Variants in FRMD4A observed in about 807,000 individuals in gnomAD.
FRMD4A encodes FERM domain-containing protein 4A.
Under a neutral mutation model 129.1 loss-of-function variants are expected in FRMD4A, and 29 were observed. The observed-to-expected ratio is 0.22, with a 90% CI of 0.17 to 0.31. FRMD4A has a LOEUF of 0.31. Among genes scored for constraint, FRMD4A ranks in the 10% least tolerant of loss-of-function variants. FRMD4A has a pLI of 1.00. For missense variants in FRMD4A, 1,272 were observed against 1,375.8 expected (o/e 0.92, Z 1.19); for synonymous variants, 634 against 571.6 (o/e 1.11, Z -1.56).
chr10:13,836,877 C>T (rs188652093), intron 3 of FRMD4A, among the ~76,000 whole-genome samples: 2 of 151,764 alleles, frequency 1.3e-5, no homozygotes, highest in African/African-American at 4.8e-5. Context: ...CCTGCCTCAG[C>T]CTCCCCAGTA....
rs1170697695 is a variant in FRMD4A, at chr10:14,029,832, T to A, written c.46-170920A>T. ...CATGAAAAAAAAAAAAAAAACTACA[T>A]GTTTGTTTTTAATCGTTTTTGAGTT... On this transcript the variant is annotated intron_variant, in intron 2 of 24. Transcript: ENST00000357447. Among the ~76,000 whole-genome samples, 6 of 152,030 alleles carry A rather than the reference T, an allele frequency of 3.9e-5. No homozygotes were observed. The East Asian group carries it at 1.2e-3, about 29-fold the overall frequency.
chr10:13,935,751 T>A lies in FRMD4A; in HGVS notation c.46-76839A>T, dbSNP rs183713902. Among the ~76,000 whole-genome samples the A allele has an allele frequency of 2.0e-5, 3 of 152,302 alleles. No homozygotes were observed. In the East Asian group the frequency reaches 5.8e-4, roughly 29 times the overall value. ...CTTACTCTCATGTTGGACTCTCCTA[T>A]CAGCCCTGGCAGCTTAGATACTCCT... On this transcript the variant is annotated intron_variant, in intron 2 of 24. Transcript: ENST00000357447.
intron 2 of FRMD4A, chr10:13,890,416 C>A (rs1044593460): frequency 2.0e-6 from 1 of 503,838 alleles, no homozygotes; most frequent in Non-Finnish European, 2.6e-6. Context: ...AGCAGTTTGT[C>A]CCGGGCTCTC....
intron 18 of FRMD4A, among the ~76,000 whole-genome samples, chr10:13,665,291 C>T (rs4405198): frequency 0.77 from 117,167 of 151,798 alleles, 45,961 homozygotes; most frequent in East Asian, 0.87. Context: ...CAGACTGAAA[C>T]TCGGTATCTA....
At position 13,782,952 on chromosome 10, in the gene FRMD4A, GA is replaced by G; in HGVS notation, c.353del (p.Phe118SerfsTer3). 2.6e-6 allele frequency: 4 copies of G among 1,521,544 alleles called. No homozygotes were observed. The highest frequency in any genetic ancestry group is 1.1e-5 in the South Asian group (1 of 89,210). 94.3% of individuals were successfully genotyped at this position (1,521,544 alleles called of 1,614,324 possible). On this transcript the variant is annotated frameshift_variant, in exon 6 of 25. Transcript: ENST00000357447. LOFTEE classifies it high-confidence loss of function. ...AGATGCAGGACTTCGCGTTCAGAAAGAAAAGCTCAATGGTAGCATTATCCTT... is the reference window on the plus strand; with the variant it reads ...AGATGCAGGACTTCGCGTTCAGAAAGAAAGCTCAATGGTAGCATTATCCTT... ...YLKDNATIEL[F>X]FLNAKSCIYK...
At chr10:13,785,845 G>A (rs2092844627) in intron 5 of FRMD4A, among the ~76,000 whole-genome samples, 1 of 143,396 alleles carries the variant, frequency 7.0e-6, no homozygotes, top group Non-Finnish European at 1.5e-5. Context: ...GTGTTCAATT[G>A]CCACCTATGA....
intron 2 of FRMD4A, among the ~76,000 whole-genome samples, chr10:14,153,417 A>G (rs1362149691): frequency 6.6e-6 from 1 of 152,136 alleles, no homozygotes; most frequent in Admixed American, 6.5e-5. Context: ...GACATTATTA[A>G]TCAATATTTC....
At chr10:14,316,766 T>C (rs1402100073) in intron 2 of FRMD4A, among the ~76,000 whole-genome samples, 3 of 152,122 alleles carry the variant, frequency 2.0e-5, no homozygotes, top group East Asian at 1.9e-4. Flanking sequence ...AGCTTACAGA[T>C]AAGAGCAGAG....
chr10:14,220,471 G>T (rs779560806), intron 2 of FRMD4A, among the ~76,000 whole-genome samples: 2 of 152,172 alleles, frequency 1.3e-5, no homozygotes, highest in Non-Finnish European at 2.9e-5. Context: ...GCCCCAAAGG[G>T]GGTGCCAGGA....
At chr10:13,785,504 C>G (rs1286739891) in intron 5 of FRMD4A, among the ~76,000 whole-genome samples, 2 of 152,180 alleles carry the variant, frequency 1.3e-5, no homozygotes, top group Non-Finnish European at 2.9e-5. Flanking sequence ...ACTTTTAGTT[C>G]TTTAAGAATG....
Position 14,237,167 on chromosome 10 carries a change from G to T in FRMD4A, c.45+92891C>A, listed in dbSNP as rs534311630. Among the ~76,000 whole-genome samples the T allele has an allele frequency of 3.7e-4, 57 of 152,164 alleles. No individual in the cohort carries two copies. The South Asian group carries it at 6.7e-3, about 18-fold the overall frequency. On this transcript the variant is annotated intron_variant, in intron 2 of 24. Transcript: ENST00000357447. ...CCACAGCTGCACAGAAGTCAGATAGGATGAGGAGATAGAACCTGGAGTGAC... is the reference window on the plus strand; with the variant it reads ...CCACAGCTGCACAGAAGTCAGATAGTATGAGGAGATAGAACCTGGAGTGAC...
intron 2 of FRMD4A, among the ~76,000 whole-genome samples, chr10:14,053,106 A>T (rs1834342482): frequency 1.3e-5 from 2 of 152,178 alleles, no homozygotes; most frequent in African/African-American, 4.8e-5. Context: ...ACGTGAGCAA[A>T]CGTTTTGAAG....
chr10:13,912,681 C>T (rs555214117), intron 2 of FRMD4A, among the ~76,000 whole-genome samples: 11 of 152,180 alleles, frequency 7.2e-5, no homozygotes, highest in South Asian at 4.2e-4. Context: ...GGCGCCACCA[C>T]CATGCCCGGC....
At chr10:13,987,703 G>A (rs1588683201) in intron 2 of FRMD4A, among the ~76,000 whole-genome samples, 1 of 152,132 alleles carries the variant, frequency 6.6e-6, no homozygotes, top group African/African-American at 2.4e-5. Flanking sequence ...CCGACCACGA[G>A]GAAACTGCAG....
chr10:13,940,874 C>T (rs1181010970), intron 2 of FRMD4A, among the ~76,000 whole-genome samples: 1 of 152,142 alleles, frequency 6.6e-6, no homozygotes, highest in Non-Finnish European at 1.5e-5. Flanking sequence ...AACCATGGGC[C>T]AGAGTGGTTG....
Position 13,645,557 on chromosome 10 carries a change from CATTA to C in FRMD4A, c.*1477_*1480del, listed in dbSNP as rs971068083. On this transcript the variant is annotated 3_prime_UTR_variant, in exon 25 of 25. Coordinates refer to ENST00000357447, the MANE Select transcript of FRMD4A (RefSeq NM_018027.5). ...AACATGTAAACGTGCAGCTCCCACACATTAATTTTTTTCTTCTTTCCTCCTCTTT... is the reference window on the plus strand; with the variant it reads ...AACATGTAAACGTGCAGCTCCCACACATTTTTTTCTTCTTTCCTCCTCTTT... The C allele has an allele frequency of 3.9e-5, 6 of 152,622 alleles. No individual in the cohort carries two copies. Among genetic ancestry groups the C allele is most frequent in the Admixed American group, 2.0e-4 (3 of 15,286 alleles). The allele number at this position is 152,622 out of a possible 1,614,324, so 9.5% of individuals were successfully genotyped here.
At chr10:13,817,976 C>G (rs897110309) in intron 3 of FRMD4A, among the ~76,000 whole-genome samples, 1 of 152,146 alleles carries the variant, frequency 6.6e-6, no homozygotes, top group African/African-American at 2.4e-5. Flanking sequence ...GTATCAAGCT[C>G]TAAATGCTAG....
At chr10:13,757,907 C>G (rs897366348) in intron 8 of FRMD4A, among the ~76,000 whole-genome samples, 4 of 152,172 alleles carry the variant, frequency 2.6e-5, no homozygotes, top group African/African-American at 9.7e-5. Flanking sequence ...CCACACCTGG[C>G]TAATTTTTGT....
At chr10:13,916,854 C>T (rs1039792607) in intron 2 of FRMD4A, among the ~76,000 whole-genome samples, 2 of 152,000 alleles carry the variant, frequency 1.3e-5, no homozygotes, top group African/African-American at 2.4e-5. Flanking sequence ...CTACTCATTT[C>T]CCCCCAAAAA....
Sources: gnomAD v4.1 joint callset for allele counts (sites outside exome capture counted in the v4.1 genomes callset) on GRCh38, gnomAD v4.1.1 for gene constraint, MANE v1.5 for transcripts, NCBI Gene and HGNC (gene_info 2026-07-23, HGNC 2026-07-21) for gene names.